ANKRD6: variants seen among roughly 807,000 people sequenced by gnomAD.
The protein encoded by ANKRD6 is ankyrin repeat domain-containing protein 6.
In ANKRD6, 56 loss-of-function variants were observed where a neutral mutation model predicts 82.3. The ratio of observed to expected loss-of-function variants is 0.68; its 90% CI spans 0.55 to 0.85. The LOEUF is 0.85. ANKRD6 is among the 40% of genes least tolerant of loss of function. The pLI is 0.00. For synonymous variants in ANKRD6, 347 were observed against 352.1 expected (o/e 0.99, Z 0.16); for missense variants, 852 against 907.6 (o/e 0.94, Z 0.79).
intron 4 of ANKRD6, among the ~76,000 whole-genome samples, chr6:89,604,098 G>A (rs562900482): frequency 7.9e-4 from 120 of 152,312 alleles, no homozygotes; most frequent in African/African-American, 2.7e-3. Context: ...AGGCCAAGGC[G>A]GGCAGATCAC....
chr6:89,493,108 C>T (rs1314964527), intron 1 of ANKRD6, among the ~76,000 whole-genome samples: 1 of 152,180 alleles, frequency 6.6e-6, no homozygotes, highest in Non-Finnish European at 1.5e-5. Context: ...ACTCACACTT[C>T]AGTCCTCACA....
intron 1 of ANKRD6, among the ~76,000 whole-genome samples, chr6:89,490,324 T>C (rs1777870004): frequency 6.6e-6 from 1 of 152,246 alleles, no homozygotes; most frequent in African/African-American, 2.4e-5. Flanking sequence ...GAGAATCCAG[T>C]AAATATTTAT....
chr6:89,587,317 T>C (rs1471091270), intron 2 of ANKRD6, among the ~76,000 whole-genome samples: 1 of 151,756 alleles, frequency 6.6e-6, no homozygotes, highest in Non-Finnish European at 1.5e-5. Context: ...GGTGAAACCC[T>C]GTCTCTACTA....
intron 1 of ANKRD6, among the ~76,000 whole-genome samples, chr6:89,442,636 C>CAAA (rs59245345): frequency 1.5e-3 from 148 of 97,438 alleles, no homozygotes; most frequent in East Asian, 4.0e-3. Context: ...AACCCTGTCT[C>CAAA]AAAAAAAAAA....
intron 1 of ANKRD6, among the ~76,000 whole-genome samples, chr6:89,554,603 G>C (rs1276760715): frequency 6.6e-6 from 1 of 152,210 alleles, no homozygotes; most frequent in African/African-American, 2.4e-5. Flanking sequence ...AGTCTGTAAT[G>C]CAGTTAGGTG....
chr6:89,566,997 C>A lies in ANKRD6; in HGVS notation c.21C>A (p.Val7=). The change falls in exon 2 of 16, where the codon GTC becomes GTA. Residue 7 remains valine (V), a synonymous_variant. Coordinates refer to ENST00000339746, the MANE Select transcript of ANKRD6 (RefSeq NM_001242809.2). MSQQDA[V]AALSERLLVA... ...AATTCATGAGCCAGCAAGATGCGGT[C>A]GCTGCACTTTCAGAGCGCCTTCTCG... 6.3e-7 allele frequency: 1 copy of A among 1,598,280 alleles called. No homozygotes were observed. Among genetic ancestry groups the A allele is most frequent in the South Asian group, 1.1e-5 (1 of 87,906 alleles).
chr6:89,481,821 C>T (rs1001410148), intron 1 of ANKRD6, among the ~76,000 whole-genome samples: 2 of 152,092 alleles, frequency 1.3e-5, no homozygotes, highest in Admixed American at 6.5e-5. Context: ...AGCACTGGTA[C>T]TGGTGGTACT....
chr6:89,459,952 G>C (rs1372952414), intron 1 of ANKRD6, among the ~76,000 whole-genome samples: 1 of 152,026 alleles, frequency 6.6e-6, no homozygotes, highest in Non-Finnish European at 1.5e-5. Flanking sequence ...TGCTGCTACT[G>C]TATAAAATTG....
rs1800952249 is a variant in ANKRD6, at chr6:89,614,317, C to T, written c.615+427C>T. ...GCTAGGAGTTCAAGACCAGCCCGGG[C>T]AACATAGCGAGACCCTGTCTCTACA... On this transcript the variant is annotated intron_variant, in intron 7 of 15. Coordinates refer to ENST00000339746, the MANE Select transcript of ANKRD6 (RefSeq NM_001242809.2). Among the ~76,000 whole-genome samples the T allele has an allele frequency of 2.6e-5, 4 of 152,086 alleles. No individual in the cohort carries two copies. The South Asian group carries it at 8.3e-4, about 32-fold the overall frequency.
At chr6:89,591,947 C>T (rs959668285) in intron 2 of ANKRD6, among the ~76,000 whole-genome samples, 2 of 152,210 alleles carry the variant, frequency 1.3e-5, no homozygotes, top group African/African-American at 4.8e-5. Flanking sequence ...CTCAGGATGT[C>T]ACACCTCCTT....
chr6:89,611,160 A>G (rs944058833), intron 5 of ANKRD6, among the ~76,000 whole-genome samples: 1 of 141,222 alleles, frequency 7.1e-6, no homozygotes, highest in Non-Finnish European at 1.5e-5. Flanking sequence ...GGCCGCATCC[A>G]GTATTCCTCT....
intron 1 of ANKRD6, among the ~76,000 whole-genome samples, chr6:89,560,696 G>C (rs565588079): frequency 3.9e-5 from 6 of 152,194 alleles, no homozygotes; most frequent in Middle Eastern, 6.8e-3. Flanking sequence ...CATGGTAGTC[G>C]TCTGTAATCC....
chr6:89,605,765 A>G (rs1480361322), intron 4 of ANKRD6, among the ~76,000 whole-genome samples: 1 of 152,142 alleles, frequency 6.6e-6, no homozygotes, highest in Non-Finnish European at 1.5e-5. Flanking sequence ...ACAATCATCC[A>G]TGGTTCGTCA....
At chr6:89,462,177 G>C (rs922341006) in intron 1 of ANKRD6, among the ~76,000 whole-genome samples, 1 of 150,510 alleles carries the variant, frequency 6.6e-6, no homozygotes, top group East Asian at 1.9e-4. Context: ...GGTTGCAGTG[G>C]GCCGAGATCA....
At chr6:89,623,085 A>G (rs1804193345) in intron 10 of ANKRD6, among the ~76,000 whole-genome samples, 2 of 151,920 alleles carry the variant, frequency 1.3e-5, no homozygotes, top group South Asian at 4.1e-4. Context: ...TTTTGTTGAA[A>G]TCTAAACGAT....
At chr6:89,509,914 T>C (rs1464685490) in intron 1 of ANKRD6, among the ~76,000 whole-genome samples, 1 of 152,254 alleles carries the variant, frequency 6.6e-6, no homozygotes, top group Non-Finnish European at 1.5e-5. Context: ...TATACCTTAA[T>C]CGCCAGTGCA....
At chr6:89,488,456 A>G (rs1039399150) in intron 1 of ANKRD6, among the ~76,000 whole-genome samples, 13 of 152,170 alleles carry the variant, frequency 8.5e-5, no homozygotes, top group Non-Finnish European at 1.3e-4. Flanking sequence ...TCTCTAATAA[A>G]TAAAAACAAA....
At chr6:89,571,463 A>G (rs752846792) in intron 2 of ANKRD6, among the ~76,000 whole-genome samples, 2 of 152,148 alleles carry the variant, frequency 1.3e-5, no homozygotes, top group Admixed American at 6.5e-5. Flanking sequence ...AGAAATGGCT[A>G]TTCAAGTCCT....
chr6:89,567,103 A>G lies in ANKRD6; in HGVS notation c.120+7A>G. 2 of 1,582,174 alleles carry G rather than the reference A, an allele frequency of 1.3e-6. No individual in the cohort carries two copies. The highest frequency in any genetic ancestry group is 2.3e-5 in the East Asian group (1 of 43,518). Reference sequence around the variant, plus strand: ...CAGGGTAGCGGTTACCAAGGTAACAAGAGAAAAATACGCTGTAGCCATTCC... The same window carrying G: ...CAGGGTAGCGGTTACCAAGGTAACAGGAGAAAAATACGCTGTAGCCATTCC... On this transcript the variant is annotated splice_region_variant and intron_variant, in intron 2 of 15. Transcript: ENST00000339746.
Sources: allele counts gnomAD v4.1 joint callset (sites outside exome capture counted in the v4.1 genomes callset), GRCh38; gene constraint gnomAD v4.1.1; transcripts MANE v1.5; gene names NCBI Gene and HGNC (gene_info 2026-07-23, HGNC 2026-07-21).